Variants in LY75 observed in about 807,000 individuals in gnomAD.
LY75 encodes C-type lectin domain family 13 member B.
LY75 carries 185 observed loss-of-function variants against 231.7 expected under a neutral mutation model. The observed-to-expected ratio is 0.80, with a 90% confidence interval of 0.71 to 0.90. The LOEUF (loss-of-function observed/expected upper bound fraction) is 0.90. LY75 is among the 40% of genes least tolerant of loss of function. The pLI is 0.00. For synonymous variants in LY75, 668 were observed against 689.0 expected, an observed-to-expected ratio of 0.97 and a Z score of 0.48; for missense variants, 1,947 against 2,050.2, an observed-to-expected ratio of 0.95 and a Z score of 0.97.
At chr2:159,902,649 A>T (rs1401604803) in intron 1 of LY75, 2 of 152,252 alleles carry the variant, frequency 1.3e-5, no homozygotes, top group Non-Finnish European at 2.9e-5. Context: ...AGTCTCTACC[A>T]TGTGTTCGGA....
At chr2:159,875,994 C>T (rs1167662477) in intron 11 of LY75, among the ~76,000 whole-genome samples, 1 of 152,118 alleles carries the variant, frequency 6.6e-6, no homozygotes, top group Non-Finnish European at 1.5e-5. Flanking sequence ...CTAAATACTA[C>T]TGCTGCTTAG....
At chr2:159,867,774 G>GC (rs1330795306) in intron 13 of LY75, among the ~76,000 whole-genome samples, 6 of 152,134 alleles carry the variant, frequency 3.9e-5, no homozygotes, top group African/African-American at 1.4e-4. Flanking sequence ...TGCAAACAAG[G>GC]CTTTCTTCTC....
chr2:159,873,391 T>C (rs1467087977), intron 12 of LY75, among the ~76,000 whole-genome samples: 7 of 152,182 alleles, frequency 4.6e-5, no homozygotes. Context: ...AGCAGAGGCC[T>C]GAAATGTGCT....
In LY75 at chr2:159,842,208, C is replaced by T. The variant is rs113202670; in HGVS notation, c.3280+37G>A. ...CTCTCTATATATATATATGTAATAGCATAAAGTACCATAGTTATCTAGATA... is the reference window on the plus strand; with the variant it reads ...CTCTCTATATATATATATGTAATAGTATAAAGTACCATAGTTATCTAGATA... On this transcript the variant is annotated intron_variant, in intron 24 of 34. Transcript: ENST00000263636. 2.1e-5 allele frequency: 34 copies of T among 1,582,882 alleles called. No individual in the cohort carries two copies. In the African/African-American group the frequency reaches 2.6e-4, roughly 12 times the overall value.
intron 16 of LY75, among the ~76,000 whole-genome samples, 172 bp from the exon 17 acceptor site, chr2:159,855,111 G>T (rs1170317077): frequency 6.6e-6 from 1 of 152,202 alleles, no homozygotes; most frequent in Non-Finnish European, 1.5e-5. Context: ...TAGGGCCGAT[G>T]CTAAACCTGC....
At chr2:159,855,003 C>G (rs761255372) in intron 16 of LY75, 64 bp from the exon 17 acceptor site, 39 of 1,599,848 alleles carry the variant, frequency 2.4e-5, no homozygotes, top group Admixed American at 8.4e-5. Flanking sequence ...ACTATAAGTA[C>G]GGCCTTTAAT....
rs796940571 is a variant in LY75, at chr2:159,850,789, T to TATATATATATATATATAA, written c.2884-323_2884-322insTTATATATATATATATAT. On this transcript the variant is annotated intron_variant, in intron 21 of 34. Coordinates refer to ENST00000263636, the MANE Select transcript of LY75 (RefSeq NM_002349.4). ...TCAAACTTTCATATATATATATATA[T>TATATATATATATATATAA]ATATATATATTATATCTTATATATA... Among the ~76,000 whole-genome samples, 124 of 88,652 alleles carry TATATATATATATATATAA rather than the reference T, an allele frequency of 1.4e-3. 8 individuals are homozygous for TATATATATATATATATAA. The highest frequency in any genetic ancestry group is 2.8e-3 in the Non-Finnish European group (108 of 38,308). The allele number at this position is 88,652 out of a possible 152,430, so 58.2% of individuals were successfully genotyped here.
At chr2:159,888,484 C>T (rs1443721753) in intron 4 of LY75, among the ~76,000 whole-genome samples, 1 of 152,126 alleles carries the variant, frequency 6.6e-6, no homozygotes, top group Non-Finnish European at 1.5e-5. Flanking sequence ...TTCTAAGGAT[C>T]AATTTCCTTA....
chr2:159,852,448 C>A, intron 20 of LY75, 108 bp from the exon 21 acceptor site: 8 of 1,445,806 alleles, frequency 5.5e-6, no homozygotes, highest in Non-Finnish European at 7.4e-6. Flanking sequence ...GACAGAGTCT[C>A]GCTCTGTTGC....
chr2:159,815,558 A>C lies in LY75; in HGVS notation c.4396T>G (p.Phe1466Val), dbSNP rs1214547227. The change falls in exon 31 of 35, where the codon TTT (phenylalanine) becomes GTT (valine). Residue 1466 changes from phenylalanine (F) to valine (V), a missense_variant. Transcript: ENST00000263636. ...LSSHDGSESS[F>V]EWSDGSTFDY... ...AATGTACTACCATCAGACCATTCAA[A>C]ACTTGATTCACTTCCCTGTTGTAAG... The C allele has an allele frequency of 5.6e-6, 9 of 1,611,930 alleles. No individual in the cohort carries two copies. The Admixed American group carries it at 8.4e-5, about 15-fold the overall frequency.
At position 159,894,029 on chromosome 2, in the gene LY75, T is replaced by C. The variant is rs769834217; in HGVS notation, c.522A>G (p.Leu174=). 5.6e-6 allele frequency: 9 copies of C among 1,613,740 alleles called. No individual in the cohort carries two copies. The Admixed American group carries it at 6.7e-5, about 12-fold the overall frequency. The change falls in exon 3 of 35, where the codon TTA becomes TTG. Residue 174 remains leucine, a synonymous_variant. Transcript: ENST00000263636. ...AATCATGATGCCAGGTCCCATCAAT[T>C]AAGAATGGAAATTCACAAGGTCTCC... The part of the protein sequence containing the change: ...SYGRPCEFPF[L]IDGTWHHDCI...
intron 28 of LY75, among the ~76,000 whole-genome samples, 197 bp downstream of exon 28, chr2:159,831,473 G>A (rs541977509): frequency 1.3e-5 from 2 of 152,078 alleles, no homozygotes; most frequent in African/African-American, 4.8e-5. Context: ...ATTATTTTCC[G>A]CCATTTAACT....
chr2:159,813,229 A>G (rs1406849640), intron 31 of LY75, among the ~76,000 whole-genome samples: 1 of 152,202 alleles, frequency 6.6e-6, no homozygotes, highest in African/African-American at 2.4e-5. Context: ...AAGAATTGCC[A>G]CACCATTTTG....
intron 12 of LY75, 47 bp from the exon 13 acceptor site, chr2:159,872,640 T>G (rs757448966): frequency 4.3e-5 from 68 of 1,588,620 alleles, no homozygotes; most frequent in Non-Finnish European, 5.7e-5. Flanking sequence ...TATCATAAAG[T>G]ATTTCATAGT....
At chr2:159,824,835 G>A (rs1386967128) in intron 28 of LY75, among the ~76,000 whole-genome samples, 1 of 128,370 alleles carries the variant, frequency 7.8e-6, no homozygotes, top group Non-Finnish European at 1.6e-5. Context: ...CATGGAAACT[G>A]AACAACCTGC....
Position 159,898,982 on chromosome 2 carries a change from C to A in LY75, c.172G>T (p.Asp58Tyr). 4.3e-6 allele frequency: 7 copies of A among 1,614,232 alleles called. No individual in the cohort carries two copies. Among genetic ancestry groups the A allele is most frequent in the Non-Finnish European group, 5.9e-6 (7 of 1,180,044 alleles). Residue 58 changes from aspartate to tyrosine, a missense_variant, in exon 2 of 35, where the codon GAC becomes TAC. Physicochemically the swap from Asp to Tyr is radical, Grantham distance 160. Coordinates refer to ENST00000263636, the MANE Select transcript of LY75 (RefSeq NM_002349.4). The part of the protein sequence containing the change: ...KPVYGWIVAD[D>Y]CDETEDKLWK... ...AACTTGTCCTCAGTTTCATCACAGT[C>A]GTCTGCTACTATCCAGCCATACACT...
intron 6 of LY75, among the ~76,000 whole-genome samples, chr2:159,882,812 G>A (rs1685474515): frequency 6.6e-6 from 1 of 152,054 alleles, no homozygotes; most frequent in Non-Finnish European, 1.5e-5. Context: ...GAGATTTAAG[G>A]GACAGAATAA....
chr2:159,848,572 A>G (rs13400621), intron 23 of LY75, among the ~76,000 whole-genome samples: 7,214 of 152,232 alleles, frequency 0.047, 528 homozygotes, highest in African/African-American at 0.16. Flanking sequence ...TATCAAGTAG[A>G]TCTTTTAATG....
In LY75 at chr2:159,834,140, T is replaced by TC. The variant is rs1264897397; in HGVS notation, c.3744dup (p.Ile1249AspfsTer16). ...TTGTAGCAACAGTTCTGAAATGGTA[T>TC]CCACGGAGTATTTAGAACAGGAGAT... On this transcript the variant is annotated frameshift_variant, in exon 27 of 35. Transcript: ENST00000263636. LOFTEE classifies it high-confidence loss of function. The TC allele has an allele frequency of 6.2e-7, 1 of 1,614,090 alleles. No homozygotes were observed. The highest frequency in any genetic ancestry group is 8.5e-7 in the Non-Finnish European group (1 of 1,179,964).
Sources: allele counts gnomAD v4.1 joint callset (sites outside exome capture counted in the v4.1 genomes callset), GRCh38; gene constraint gnomAD v4.1.1; transcripts MANE v1.5; gene names NCBI Gene and HGNC (gene_info 2026-07-23, HGNC 2026-07-21).